RBFOX1: variants seen among roughly 807,000 people sequenced by gnomAD.
RBFOX1 encodes the protein RNA binding fox-1 homolog 1, also known as RNA binding protein fox-1 homolog 1.
A neutral mutation model predicts 57.7 loss-of-function variants in RBFOX1; 8 were observed. That is an observed-to-expected ratio of 0.14 (90% CI 0.08 to 0.25). The LOEUF (loss-of-function observed/expected upper bound fraction) is 0.25. Ranked by LOEUF, RBFOX1 falls within the 10% of genes least tolerant of loss-of-function variation. The pLI is 1.00. For missense variants in RBFOX1, 611 were observed against 548.5 expected, an observed-to-expected ratio of 1.11 and a Z score of -1.14; for synonymous variants, 326 against 222.4, an observed-to-expected ratio of 1.47 and a Z score of -4.15.
chr16:7,201,762 C>A (rs111741736), intron 4 of RBFOX1, among the ~76,000 whole-genome samples: 1 of 152,094 alleles, frequency 6.6e-6, no homozygotes, highest in African/African-American at 2.4e-5. Context: ...CATGCCCGGC[C>A]GATCTGATTC....
At chr16:6,874,534 A>G (rs1051219701) in intron 3 of RBFOX1, among the ~76,000 whole-genome samples, 5 of 140,326 alleles carry the variant, frequency 3.6e-5, no homozygotes, top group Non-Finnish European at 6.3e-5. Context: ...AAAAAAAAAA[A>G]AAAATGAAAT....
At chr16:6,853,680 C>T (rs148245294) in intron 3 of RBFOX1, among the ~76,000 whole-genome samples, 1 of 152,228 alleles carries the variant, frequency 6.6e-6, no homozygotes, top group African/African-American at 2.4e-5. Flanking sequence ...AATTTGTGAA[C>T]CTGTAGCAAT....
intron 2 of RBFOX1, among the ~76,000 whole-genome samples, chr16:6,373,159 T>C (rs1240488128): frequency 3.3e-5 from 5 of 151,820 alleles, no homozygotes; most frequent in African/African-American, 1.2e-4. Context: ...TTAGGATCTT[T>C]GGGTAGGAGG....
intron 3 of RBFOX1, among the ~76,000 whole-genome samples, chr16:5,736,071 G>C (rs954167999): frequency 1.3e-5 from 2 of 152,084 alleles, no homozygotes; most frequent in African/African-American, 4.8e-5. Flanking sequence ...AGGGGGATTT[G>C]GACGTCCATG....
chr16:5,253,891 G>C (rs1164020199), intron 1 of RBFOX1, among the ~76,000 whole-genome samples: 3 of 152,158 alleles, frequency 2.0e-5, no homozygotes, highest in African/African-American at 7.2e-5. Context: ...TCTGACAGTG[G>C]AGTCACTACA....
intron 3 of RBFOX1, among the ~76,000 whole-genome samples, chr16:7,004,920 G>C (rs139813158): frequency 6.6e-6 from 1 of 152,106 alleles, no homozygotes; most frequent in African/African-American, 2.4e-5. Context: ...AAGGTGGGCC[G>C]ATCACTTGAG....
chr16:6,507,343 T>C (rs1313111065), intron 2 of RBFOX1, among the ~76,000 whole-genome samples: 1 of 152,114 alleles, frequency 6.6e-6, no homozygotes, highest in Non-Finnish European at 1.5e-5. Flanking sequence ...AGAATGTGGT[T>C]TGTCTATACC....
At chr16:6,792,275 T>C (rs369939889) in intron 3 of RBFOX1, among the ~76,000 whole-genome samples, 7 of 152,324 alleles carry the variant, frequency 4.6e-5, no homozygotes, top group African/African-American at 1.2e-4. Context: ...TTGTGAAGAT[T>C]ACATAAATAC....
At chr16:5,244,389 A>G (rs1319715289) in intron 1 of RBFOX1, among the ~76,000 whole-genome samples, 2 of 152,102 alleles carry the variant, frequency 1.3e-5, no homozygotes, top group South Asian at 2.1e-4. Context: ...TCCCCACCAC[A>G]TCCGCCTGGT....
rs146507392 is a variant in RBFOX1, at chr16:6,615,588, C to G, written c.-63-39015C>G. On this transcript the variant is annotated intron_variant, in intron 2 of 15. Transcript: ENST00000550418. ...CCATCTAAAAAAAAAAAAAAATCCT[C>G]TGTCCCAATAAATATGGCCACAGGA... Among the ~76,000 whole-genome samples the G allele has an allele frequency of 5.6e-3, 848 of 152,060 alleles. 3 individuals carry two copies. The highest frequency in any genetic ancestry group is 9.2e-3 in the Non-Finnish European group (625 of 67,968).
At chr16:5,334,309 T>A (rs958091140) in intron 1 of RBFOX1, among the ~76,000 whole-genome samples, 48 of 152,316 alleles carry the variant, frequency 3.2e-4, no homozygotes, top group African/African-American at 1.2e-3. Flanking sequence ...TTTATGGTCA[T>A]GCCGATGTTA....
intron 3 of RBFOX1, among the ~76,000 whole-genome samples, chr16:6,969,249 A>G (rs140112001): frequency 6.6e-5 from 10 of 152,208 alleles, no homozygotes; most frequent in African/African-American, 2.2e-4. Context: ...TCTTGGGAAG[A>G]CCTTGGAGAT....
At chr16:7,375,004 G>C (rs1371079235) in intron 4 of RBFOX1, among the ~76,000 whole-genome samples, 1 of 152,226 alleles carries the variant, frequency 6.6e-6, no homozygotes, top group African/African-American at 2.4e-5. Flanking sequence ...AGGAGATGTA[G>C]AGATATTCTC....
intron 1 of RBFOX1, among the ~76,000 whole-genome samples, chr16:6,110,386 A>G (rs1236594273): frequency 6.6e-6 from 1 of 152,140 alleles, no homozygotes; most frequent in East Asian, 1.9e-4. Flanking sequence ...TTATAAAATA[A>G]AATAAAAGAT....
At chr16:6,225,055 C>T (rs957661520) in intron 1 of RBFOX1, among the ~76,000 whole-genome samples, 1 of 144,802 alleles carries the variant, frequency 6.9e-6, no homozygotes, top group African/African-American at 2.5e-5. Context: ...ATCACTCACT[C>T]CAGGAATTTG....
chr16:7,280,278 G>C (rs561012817), intron 4 of RBFOX1, among the ~76,000 whole-genome samples: 8 of 152,294 alleles, frequency 5.3e-5, no homozygotes, highest in African/African-American at 1.9e-4. Flanking sequence ...CACTTCCCCA[G>C]CTTCACTTAG....
chr16:7,042,277 T>C (rs779367165), intron 3 of RBFOX1, among the ~76,000 whole-genome samples: 3 of 152,104 alleles, frequency 2.0e-5, no homozygotes, highest in East Asian at 1.9e-4. Context: ...GAGGCGCAGA[T>C]TGGGGAGGAG....
At chr16:6,104,430 A>G (rs1261831614) in intron 1 of RBFOX1, among the ~76,000 whole-genome samples, 1 of 152,238 alleles carries the variant, frequency 6.6e-6, no homozygotes, top group Non-Finnish European at 1.5e-5. Context: ...ATGGTTTTAT[A>G]GAGGTATAAT....
At chr16:6,861,162 T>G (rs983001658) in intron 3 of RBFOX1, among the ~76,000 whole-genome samples, 2 of 152,168 alleles carry the variant, frequency 1.3e-5, no homozygotes, top group African/African-American at 2.4e-5. Flanking sequence ...TTTATATGTC[T>G]CATGTATTGC....
Sources: gnomAD v4.1 joint callset for allele counts (sites outside exome capture counted in the v4.1 genomes callset) on GRCh38, gnomAD v4.1.1 for gene constraint, MANE v1.5 for transcripts, NCBI Gene and HGNC (gene_info 2026-07-23, HGNC 2026-07-21) for gene names.